Variants in PTPRQ observed in about 807,000 individuals in gnomAD.
PTPRQ encodes the protein phosphatidylinositol phosphatase PTPRQ.
PTPRQ carries 199 observed loss-of-function variants against 246.0 expected under a neutral mutation model. The ratio of observed to expected loss-of-function variants is 0.81; its 90% CI spans 0.72 to 0.91. The LOEUF (loss-of-function observed/expected upper bound fraction) is 0.91. Among genes scored for constraint, PTPRQ ranks in the 40% least tolerant of loss-of-function variants. PTPRQ has a pLI of 0.00. For missense variants in PTPRQ, 2,624 were observed against 2,528.4 expected (o/e 1.04, Z -0.81); for synonymous variants, 869 against 853.2 (o/e 1.02, Z -0.32).
chr12:80,535,626 A>C (rs1895964055), intron 19 of PTPRQ, among the ~76,000 whole-genome samples: 1 of 152,156 alleles, frequency 6.6e-6, no homozygotes, highest in Non-Finnish European at 1.5e-5. Flanking sequence ...GTAGATGGGC[A>C]CTCTCTAGGA....
At position 80,678,853 on chromosome 12, in the gene PTPRQ, T is replaced by TC. The variant is rs1476106672; in HGVS notation, c.6862+129dup. The TC allele has an allele frequency of 2.5e-5, 36 of 1,431,886 alleles. No individual in the cohort carries two copies. The Admixed American group carries it at 4.8e-4, about 19-fold the overall frequency. 88.7% of individuals were successfully genotyped at this position (1,431,886 alleles called of 1,614,324 possible). The stretch of plus-strand genomic sequence containing the variant: ...ATTAGTGCACAGATCAGGTTTTTTT[T>TC]CTTTAACTTTTCTCTAATCCAAGTT... On this transcript the variant is annotated intron_variant, in intron 44 of 44. Transcript: ENST00000644991.
chr12:80,672,593 A>G (rs1302201736), intron 42 of PTPRQ, among the ~76,000 whole-genome samples: 1 of 152,054 alleles, frequency 6.6e-6, no homozygotes, highest in East Asian at 1.9e-4. Context: ...TGTGAGGTTT[A>G]TCAGTTAACA....
At chr12:80,634,246 T>C (rs1053058858) in intron 34 of PTPRQ, among the ~76,000 whole-genome samples, 4 of 152,278 alleles carry the variant, frequency 2.6e-5, no homozygotes, top group African/African-American at 9.6e-5. Context: ...GTCCAACTCT[T>C]AATAAATACT....
chr12:80,614,677 G>A (rs1406846483), intron 29 of PTPRQ, among the ~76,000 whole-genome samples: 1 of 150,832 alleles, frequency 6.6e-6, no homozygotes, highest in African/African-American at 2.4e-5. Context: ...GTGAAAGATC[G>A]ATTAGAGGGA....
intron 17 of PTPRQ, among the ~76,000 whole-genome samples, chr12:80,531,022 G>A (rs1167709670): frequency 2.6e-5 from 4 of 151,526 alleles, no homozygotes; most frequent in African/African-American, 9.7e-5. Flanking sequence ...AGACCTTGTC[G>A]CTAAAAAATA....
At chr12:80,571,143 G>A (rs1268032666) in intron 25 of PTPRQ, among the ~76,000 whole-genome samples, 3 of 152,046 alleles carry the variant, frequency 2.0e-5, no homozygotes, top group African/African-American at 7.2e-5. Context: ...GCTTCAAGGG[G>A]GATAGCACTG....
chr12:80,565,821 C>G (rs979442823), intron 25 of PTPRQ, among the ~76,000 whole-genome samples: 6 of 152,138 alleles, frequency 3.9e-5, no homozygotes, highest in Admixed American at 3.3e-4. Flanking sequence ...ATACTACTAA[C>G]CTCAGCTTAC....
chr12:80,606,467 A>ATGCTCAATG (rs369826797), intron 27 of PTPRQ, among the ~76,000 whole-genome samples: 6 of 151,056 alleles, frequency 4.0e-5, no homozygotes, highest in African/African-American at 1.4e-4. Context: ...ATAAGATAGG[A>ATGCTCAATG]TGCTCAATGA....
chr12:80,632,045 GA>G, intron 33 of PTPRQ, 146 bp from the exon 34 acceptor site: 2 of 1,130,188 alleles, frequency 1.8e-6, no homozygotes, highest in Non-Finnish European at 2.4e-6. Context: ...AAATCTAGGA[GA>G]AGAGGAACAA....
rs576567632 is a variant in PTPRQ, at chr12:80,663,471, A to G, written c.6192+5410A>G. On this transcript the variant is annotated intron_variant, in intron 39 of 44. Coordinates refer to ENST00000644991, the MANE Select transcript of PTPRQ (RefSeq NM_001145026.2). ...CAATCCTCAGTGCCACCTCCACATC[A>G]TTCTCTATCCCTCTGCCCTAAAATT... Among the ~76,000 whole-genome samples, 67 of 151,914 alleles carry G rather than the reference A, an allele frequency of 4.4e-4. No individual in the cohort carries two copies. In the South Asian group the frequency reaches 0.013, roughly 29 times the overall value.
chr12:80,461,139 T>C (rs987192211), intron 6 of PTPRQ, among the ~76,000 whole-genome samples: 3 of 152,200 alleles, frequency 2.0e-5, no homozygotes, highest in African/African-American at 7.2e-5. Context: ...CCACTGACCG[T>C]GATCCTCATA....
intron 25 of PTPRQ, among the ~76,000 whole-genome samples, chr12:80,553,599 A>T (rs1177073997): frequency 1.3e-5 from 2 of 151,982 alleles, no homozygotes; most frequent in African/African-American, 2.4e-5. Flanking sequence ...ATTATTGGGT[A>T]TTTTTTTAAT....
chr12:80,586,184 G>A (rs564283355), intron 25 of PTPRQ, among the ~76,000 whole-genome samples: 8 of 151,816 alleles, frequency 5.3e-5, no homozygotes, highest in African/African-American at 9.7e-5. Context: ...GAATAATGCC[G>A]CAATAAACAC....
At chr12:80,622,026 T>C in intron 32 of PTPRQ, 35 bp from the exon 33 acceptor site, 3 of 1,245,826 alleles carry the variant, frequency 2.4e-6, no homozygotes, top group South Asian at 1.7e-5. Flanking sequence ...TCACATGATA[T>C]GCAAAGTGTT....
chr12:80,561,767 A>G (rs77409642), intron 25 of PTPRQ, among the ~76,000 whole-genome samples: 5,311 of 151,920 alleles, frequency 0.035, 125 homozygotes, highest in Non-Finnish European at 0.053. Context: ...TCTCATCTGT[A>G]TGCCTTTTGT....
At chr12:80,648,525 T>C (rs1020306901) in intron 35 of PTPRQ, among the ~76,000 whole-genome samples, 3 of 152,094 alleles carry the variant, frequency 2.0e-5, no homozygotes, top group Admixed American at 6.6e-5. Context: ...TTTCTATATA[T>C]AGAGGAAATA....
intron 25 of PTPRQ, among the ~76,000 whole-genome samples, chr12:80,577,978 T>A (rs986458380): frequency 1.3e-5 from 2 of 152,192 alleles, no homozygotes; most frequent in Admixed American, 1.3e-4. Context: ...TCTGAAGACA[T>A]AGTTTTAATA....
intron 25 of PTPRQ, among the ~76,000 whole-genome samples, chr12:80,576,817 C>A (rs1897289896): frequency 6.6e-6 from 1 of 152,146 alleles, no homozygotes; most frequent in Non-Finnish European, 1.5e-5. Flanking sequence ...CTTTACGTGA[C>A]CCATTATGCT....
At chr12:80,538,948 T>A (rs1264685806) in intron 19 of PTPRQ, among the ~76,000 whole-genome samples, 1 of 152,158 alleles carries the variant, frequency 6.6e-6, no homozygotes, top group African/African-American at 2.4e-5. Context: ...TGCAGGTCTA[T>A]AGGACTTAAA....
Sources: allele counts gnomAD v4.1 joint callset (sites outside exome capture counted in the v4.1 genomes callset), GRCh38; gene constraint gnomAD v4.1.1; transcripts MANE v1.5; gene names NCBI Gene and HGNC (gene_info 2026-07-23, HGNC 2026-07-21).